Variants in GRM8 observed in about 807,000 individuals in gnomAD.
The protein encoded by GRM8 is glutamate metabotropic receptor 8, also known as metabotropic glutamate receptor 8.
A neutral mutation model predicts 87.2 loss-of-function variants in GRM8; 47 were observed. That is an observed-to-expected ratio of 0.54 (90% CI 0.43 to 0.69). GRM8 has a LOEUF of 0.69. Among genes scored for constraint, GRM8 ranks in the 30% least tolerant of loss-of-function variants. The pLI, the probability that GRM8 is intolerant of heterozygous loss-of-function variation, is 0.00. For missense variants in GRM8, 1,019 were observed against 1,139.2 expected (o/e 0.89, Z 1.52); for synonymous variants, 396 against 404.5 (o/e 0.98, Z 0.25).
chr7:126,644,323 G>T (rs1802804429), intron 7 of GRM8, among the ~76,000 whole-genome samples: 1 of 152,140 alleles, frequency 6.6e-6, no homozygotes, highest in Non-Finnish European at 1.5e-5. Context: ...TTGGGTTTTT[G>T]AAAGGAATGT....
chr7:126,802,868 C>A (rs1822880610), intron 6 of GRM8, among the ~76,000 whole-genome samples: 1 of 152,184 alleles, frequency 6.6e-6, no homozygotes, highest in African/African-American at 2.4e-5. Flanking sequence ...ATCATGGAGA[C>A]AATGACCACT....
chr7:127,231,784 G>C (rs1245007933), intron 2 of GRM8, among the ~76,000 whole-genome samples: 1 of 152,050 alleles, frequency 6.6e-6, no homozygotes, highest in Non-Finnish European at 1.5e-5. Flanking sequence ...ACCCACCCCT[G>C]GGGTTATTCA....
chr7:126,714,722 T>G (rs536437213), intron 7 of GRM8, among the ~76,000 whole-genome samples: 2 of 152,282 alleles, frequency 1.3e-5, no homozygotes, highest in Non-Finnish European at 2.9e-5. Context: ...TGCATATAAC[T>G]TTTGGCTCCC....
At position 126,902,608 on chromosome 7, in the gene GRM8, C is replaced by T; in HGVS notation, c.1090G>A (p.Glu364Lys). 6.2e-7 allele frequency: 1 copy of T among 1,609,962 alleles called. No homozygotes were observed. Among genetic ancestry groups the T allele is most frequent in the Middle Eastern group, 1.7e-4 (1 of 6,044 alleles). ...CCTAACTTGCAGCCAAAATTCTCCT[C>T]CCAGAATTCTGCAAACCACACATTT... The part of the protein sequence containing the change: ...RRNVWFAEFW[E>K]ENFGCKLGSH... Residue 364 changes from glutamate (E) to lysine (K), a missense_variant, in exon 6 of 11, where the codon GAG becomes AAG. Transcript: ENST00000339582.
At chr7:126,729,343 G>A (rs1813351259) in intron 7 of GRM8, among the ~76,000 whole-genome samples, 2 of 152,262 alleles carry the variant, frequency 1.3e-5, no homozygotes, top group Admixed American at 6.5e-5. Flanking sequence ...GAAGAGCCAA[G>A]GAGTCAAAAC....
chr7:127,138,717 G>GA (rs1264774000), intron 2 of GRM8, among the ~76,000 whole-genome samples: 11 of 151,944 alleles, frequency 7.2e-5, no homozygotes, highest in Admixed American at 1.3e-4. Context: ...GCAACTTAAG[G>GA]AAAAACCCAA....
At chr7:126,791,670 G>T (rs1821347622) in intron 6 of GRM8, among the ~76,000 whole-genome samples, 1 of 152,214 alleles carries the variant, frequency 6.6e-6, no homozygotes, top group Admixed American at 6.5e-5. Context: ...TTTGCTCATA[G>T]TCATTATTTT....
intron 6 of GRM8, among the ~76,000 whole-genome samples, chr7:126,815,504 G>C (rs566811676): frequency 6.6e-6 from 1 of 152,236 alleles, no homozygotes; most frequent in African/African-American, 2.4e-5. Flanking sequence ...ATCAGCAGTA[G>C]TAATGCATAA....
At chr7:126,653,701 G>A (rs923701406) in intron 7 of GRM8, among the ~76,000 whole-genome samples, 1 of 152,018 alleles carries the variant, frequency 6.6e-6, no homozygotes, top group Non-Finnish European at 1.5e-5. Context: ...AATAGTCCAG[G>A]GCAATTAATC....
intron 3 of GRM8, among the ~76,000 whole-genome samples, chr7:127,006,449 C>T (rs1814314619): frequency 6.6e-6 from 1 of 152,006 alleles, no homozygotes; most frequent in Non-Finnish European, 1.5e-5. Context: ...GCTTCTTTGG[C>T]AAAGGGTATC....
At chr7:126,761,692 T>A (rs1030201102) in intron 7 of GRM8, among the ~76,000 whole-genome samples, 4 of 152,190 alleles carry the variant, frequency 2.6e-5, no homozygotes, top group African/African-American at 9.6e-5. Context: ...ACCAAGCTCA[T>A]CTTACTGTCT....
At chr7:126,509,760 T>C (rs1475571256) in intron 9 of GRM8, among the ~76,000 whole-genome samples, 1 of 152,014 alleles carries the variant, frequency 6.6e-6, no homozygotes, top group East Asian at 1.9e-4. Flanking sequence ...TTCATCATGA[T>C]ACCTAGACAT....
At chr7:126,940,522 T>G (rs893901430) in intron 3 of GRM8, among the ~76,000 whole-genome samples, 1 of 152,138 alleles carries the variant, frequency 6.6e-6, no homozygotes, top group African/African-American at 2.4e-5. Context: ...CAGAGGAGTA[T>G]GTAGGTCCAA....
intron 3 of GRM8, among the ~76,000 whole-genome samples, chr7:127,054,774 TAATA>T (rs140329920): frequency 1.3e-5 from 2 of 152,244 alleles, no homozygotes; most frequent in Non-Finnish European, 2.9e-5. Context: ...CTGAGTGGGA[TAATA>T]AATAGGTTGT....
At chr7:126,672,471 C>G (rs1384619371) in intron 7 of GRM8, among the ~76,000 whole-genome samples, 1 of 152,200 alleles carries the variant, frequency 6.6e-6, no homozygotes, top group Non-Finnish European at 1.5e-5. Flanking sequence ...TTAAAAGGCA[C>G]CTTCTCTTTT....
intron 6 of GRM8, among the ~76,000 whole-genome samples, chr7:126,867,991 T>C (rs1166533871): frequency 1.3e-5 from 2 of 152,032 alleles, no homozygotes; most frequent in African/African-American, 2.4e-5. Context: ...AAATGAAGTG[T>C]GAAAATAAAG....
intron 3 of GRM8, among the ~76,000 whole-genome samples, chr7:127,098,713 T>C (rs886208546): frequency 6.6e-6 from 1 of 152,182 alleles, no homozygotes; most frequent in Admixed American, 6.5e-5. Context: ...CTTCCAACTC[T>C]AAGATGTTAA....
chr7:127,123,387 G>T (rs1827190877), intron 2 of GRM8, among the ~76,000 whole-genome samples: 2 of 152,102 alleles, frequency 1.3e-5, no homozygotes, highest in South Asian at 2.1e-4. Flanking sequence ...CCCTTACAAG[G>T]TTGGGGGAGT....
intron 7 of GRM8, among the ~76,000 whole-genome samples, chr7:126,686,928 C>A (rs117823270): frequency 0.029 from 4,351 of 152,352 alleles, 98 homozygotes; most frequent in Non-Finnish European, 0.043. Flanking sequence ...AATTATTGAC[C>A]TGTCTTGTCC....
Sources: gnomAD v4.1 joint callset for allele counts (sites outside exome capture counted in the v4.1 genomes callset) on GRCh38, gnomAD v4.1.1 for gene constraint, MANE v1.5 for transcripts, NCBI Gene and HGNC (gene_info 2026-07-23, HGNC 2026-07-21) for gene names.